Variants in DRAM2 observed in about 807,000 individuals in gnomAD.
DRAM2 encodes the protein DNA damage-regulated autophagy modulator protein 2.
DRAM2 carries 26 observed loss-of-function variants against 33.5 expected under a neutral mutation model. The observed-to-expected ratio is 0.78, with a 90% confidence interval of 0.57 to 1.08. The LOEUF (loss-of-function observed/expected upper bound fraction) is 1.08. Among genes scored for constraint, DRAM2 ranks in the 50% least tolerant of loss-of-function variants. The pLI is 0.00. For missense variants in DRAM2, 311 were observed against 318.1 expected (o/e 0.98, Z 0.17); for synonymous variants, 98 against 109.5 (o/e 0.89, Z 0.66).
At position 111,131,544 on chromosome 1, in the gene DRAM2, AACC is replaced by A. The variant is rs770539997; in HGVS notation, c.8_10del (p.Trp3del). 525 of 1,613,732 alleles carry A rather than the reference AACC, an allele frequency of 3.3e-4. 2 individuals carry two copies. The highest frequency in any genetic ancestry group is 4.9e-4 in the East Asian group (22 of 44,888). On this transcript the variant is annotated inframe_deletion, in exon 4 of 10. Coordinates refer to ENST00000484310, the MANE Select transcript of DRAM2 (RefSeq NM_001349884.2). ...AGGAAGGAAACTGAGGCCTTGCTGAAACCACCACATTTCTAACAGGTTTTCTGA... is the reference window on the plus strand; with the variant it reads ...AGGAAGGAAACTGAGGCCTTGCTGAAACCACATTTCTAACAGGTTTTCTGA...
rs1355331735 is a variant in DRAM2 at position 111,118,068 on chromosome 1, G to A, written c.*92C>T. ...TGTTACTGTCAGCCTTGATTAAGTG[G>A]TTGAAAATTTCAGAGAAGAATAAGC... On this transcript the variant is annotated 3_prime_UTR_variant, in exon 10 of 10. Transcript: ENST00000484310. 3 of 1,202,200 alleles carry A rather than the reference G, an allele frequency of 2.5e-6. No individual in the cohort carries two copies. Among genetic ancestry groups the A allele is most frequent in the African/African-American group, 3.0e-5 (2 of 66,570 alleles). 74.5% of individuals were successfully genotyped at this position (1,202,200 alleles called of 1,614,324 possible).
At position 111,126,243 on chromosome 1, in the gene DRAM2, A is replaced by G. The variant is rs774926525; in HGVS notation, c.183T>C (p.Asn61=). The G allele has an allele frequency of 6.2e-7, 1 of 1,610,724 alleles. No homozygotes were observed. Among genetic ancestry groups the G allele is most frequent in the Non-Finnish European group, 8.5e-7 (1 of 1,177,794 alleles). The part of the protein sequence containing the change: ...PEKCLFGAML[N]IAAVLCIATI... ...ATTACTTACATAAAACTGCCGCAAT[A>G]TTTAGCATTGCCCCAAATAAGCATT... Residue 61 remains asparagine, a synonymous_variant, in exon 5 of 10, where the codon AAT becomes AAC. Coordinates refer to ENST00000484310, the MANE Select transcript of DRAM2 (RefSeq NM_001349884.2).
Position 111,119,834 on chromosome 1 carries a change from C to G in DRAM2, c.600+43G>C, listed in dbSNP as rs1285604274. The G allele has an allele frequency of 2.1e-6, 3 of 1,447,850 alleles. No individual in the cohort carries two copies. The African/African-American group carries it at 4.2e-5, about 20-fold the overall frequency. The allele number at this position is 1,447,850 out of a possible 1,614,324, so 89.7% of individuals were successfully genotyped here. A position where few individuals can be genotyped will look rare whatever the true frequency, so the allele number is the denominator to read the frequency against. ...ACATATCAAGATCAATCAAAATAAC[C>G]ATCTTTAATATAAAACTAAGTTTAT... On this transcript the variant is annotated intron_variant, in intron 8 of 9. Transcript: ENST00000484310.
intron 6 of DRAM2, among the ~76,000 whole-genome samples, chr1:111,121,382 A>G (rs1356991981): frequency 6.6e-6 from 1 of 152,088 alleles, no homozygotes; most frequent in Admixed American, 6.6e-5. Context: ...AAGAGAATCA[A>G]CCCTACCAAC....
chr1:111,138,401 G>A (rs1336499313), intron 2 of DRAM2, among the ~76,000 whole-genome samples: 1 of 152,208 alleles, frequency 6.6e-6, no homozygotes, highest in Admixed American at 6.5e-5. Flanking sequence ...AACAAAATTA[G>A]AATTTCAATG....
chr1:111,124,695 T>C (rs748767153), intron 6 of DRAM2, 47 bp downstream of exon 6: 1 of 1,593,112 alleles, frequency 6.3e-7, no homozygotes, highest in South Asian at 1.1e-5. Flanking sequence ...TTAATATATA[T>C]ATTTATGTAC....
chr1:111,137,188 A>G (rs1398669295), intron 3 of DRAM2, among the ~76,000 whole-genome samples: 4 of 146,642 alleles, frequency 2.7e-5, no homozygotes. Context: ...CGGGGGGCGG[A>G]GCCTGCAGTG....
rs1279992707 is a variant in DRAM2, at chr1:111,117,889, G to T, written c.*271C>A. On this transcript the variant is annotated 3_prime_UTR_variant, in exon 10 of 10. Transcript: ENST00000484310. ...CGTCAGGTTGTTTCTCTTAAATAAGGTATAAAAAACTATGATATCATAGTC... is the reference window on the plus strand; with the variant it reads ...CGTCAGGTTGTTTCTCTTAAATAAGTTATAAAAAACTATGATATCATAGTC... 2.4e-6 allele frequency: 1 copy of T among 417,900 alleles called. No homozygotes were observed. The highest frequency in any genetic ancestry group is 4.9e-5 in the East Asian group (1 of 20,474). 25.9% of individuals were successfully genotyped at this position (417,900 alleles called of 1,614,324 possible).
intron 5 of DRAM2, chr1:111,125,690 A>C (rs1371574337): frequency 1.3e-5 from 2 of 152,312 alleles, no homozygotes; most frequent in Non-Finnish European, 2.9e-5. Flanking sequence ...GCAAATATTT[A>C]AAACAATCAC....
At chr1:111,139,690 A>T (rs1281190191) in intron 1 of DRAM2, 24 bp from the exon 2 acceptor site, 1 of 152,342 alleles carries the variant, frequency 6.6e-6, no homozygotes, top group East Asian at 1.9e-4. Context: ...AAGACGCGAG[A>T]GACGGAACTC....
At chr1:111,123,783 G>A (rs1195995787) in intron 6 of DRAM2, among the ~76,000 whole-genome samples, 2 of 152,008 alleles carry the variant, frequency 1.3e-5, no homozygotes, top group Non-Finnish European at 2.9e-5. Flanking sequence ...ATTCCTGTGA[G>A]AGCTGGTTGT....
At chr1:111,136,111 C>G (rs1653088719) in intron 3 of DRAM2, among the ~76,000 whole-genome samples, 1 of 152,202 alleles carries the variant, frequency 6.6e-6, no homozygotes, top group African/African-American at 2.4e-5. Flanking sequence ...ACTTTCAATT[C>G]TCTTGGCCTA....
intron 6 of DRAM2, among the ~76,000 whole-genome samples, chr1:111,122,247 C>G (rs1401227944): frequency 6.6e-6 from 1 of 152,100 alleles, no homozygotes; most frequent in Non-Finnish European, 1.5e-5. Flanking sequence ...TCCAAAAGAT[C>G]ACTTTTACTG....
In DRAM2 at chr1:111,118,075, A is replaced by C; in HGVS notation, c.*85T>G. 2.3e-6 allele frequency: 3 copies of C among 1,314,596 alleles called. No homozygotes were observed. Among genetic ancestry groups the C allele is most frequent in the Non-Finnish European group, 3.3e-6 (3 of 913,288 alleles). The allele number at this position is 1,314,596 out of a possible 1,614,324, so 81.4% of individuals were successfully genotyped here. A position where few individuals can be genotyped will look rare whatever the true frequency, so the allele number is the denominator to read the frequency against. On this transcript the variant is annotated 3_prime_UTR_variant, in exon 10 of 10. Transcript: ENST00000484310. ...GTCAGCCTTGATTAAGTGGTTGAAAATTTCAGAGAAGAATAAGCAACTTCT... is the reference window on the plus strand; with the variant it reads ...GTCAGCCTTGATTAAGTGGTTGAAACTTTCAGAGAAGAATAAGCAACTTCT...
chr1:111,131,459 T>A lies in DRAM2; in HGVS notation c.96A>T (p.Thr32=). 6.2e-7 allele frequency: 1 copy of A among 1,613,944 alleles called. No individual in the cohort carries two copies. The highest frequency in any genetic ancestry group is 1.7e-5 in the Admixed American group (1 of 60,000). The change falls in exon 4 of 10, where the codon ACA becomes ACT. Residue 32 remains threonine (T), a synonymous_variant. Coordinates refer to ENST00000484310, the MANE Select transcript of DRAM2 (RefSeq NM_001349884.2). ...AFIFSYITAV[T]LHHIDPALPY... is the part of the protein sequence containing the mutation. ...GTAAAGCCGGGTCTATATGGTGGAG[T>A]GTTACTGCAGTAATGTATGAAAATA... is the stretch of plus-strand genomic sequence containing the variant.
At chr1:111,121,405 G>C (rs1650024694) in intron 6 of DRAM2, among the ~76,000 whole-genome samples, 1 of 152,000 alleles carries the variant, frequency 6.6e-6, no homozygotes, top group African/African-American at 2.4e-5. Context: ...CCTGATTTCA[G>C]ACTTCTGGCC....
At chr1:111,138,933 C>T (rs1192318407) in intron 2 of DRAM2, 1 of 152,176 alleles carries the variant, frequency 6.6e-6, no homozygotes, top group Non-Finnish European at 1.5e-5. Flanking sequence ...CTGTCTTCGC[C>T]AAGTGGTGAA....
chr1:111,132,783 G>C (rs1168420862), intron 3 of DRAM2, among the ~76,000 whole-genome samples: 1 of 151,078 alleles, frequency 6.6e-6, no homozygotes, highest in African/African-American at 2.4e-5. Flanking sequence ...CCTGGCTCAA[G>C]TGATCCTCCC....
Position 111,120,581 on chromosome 1 carries a change from TG to T in DRAM2, c.451del (p.His151MetfsTer18). ...ILSYQMQPKI[H>X]GKQVFWIRLL... ...TCTGATCCAGAAGACTTGTTTGCCA[TG>T]GATTTTGGGCTGCATTTGGTAGGAA... On this transcript the variant is annotated frameshift_variant, in exon 7 of 10. Transcript: ENST00000484310. LOFTEE classifies it high-confidence loss of function. 1 of 1,612,322 alleles carries T rather than the reference TG, an allele frequency of 6.2e-7. No homozygotes were observed. The highest frequency in any genetic ancestry group is 2.2e-5 in the East Asian group (1 of 44,808).
Sources: gnomAD v4.1 joint callset for allele counts (sites outside exome capture counted in the v4.1 genomes callset) on GRCh38, gnomAD v4.1.1 for gene constraint, MANE v1.5 for transcripts, NCBI Gene and HGNC (gene_info 2026-07-23, HGNC 2026-07-21) for gene names.